The following CARMIL1 variants were observed in gnomAD, a reference collection of about 807,000 sequenced individuals.
The protein encoded by CARMIL1 is capping protein regulator and myosin 1 linker 1.
A neutral mutation model predicts 177.1 loss-of-function variants in CARMIL1; 90 were observed. The ratio of observed to expected loss-of-function variants is 0.51; its 90% confidence interval spans 0.43 to 0.61. CARMIL1 has a LOEUF of 0.61. Ranked by LOEUF, CARMIL1 falls within the 20% of genes least tolerant of loss-of-function variation. CARMIL1 has a pLI of 0.00. For synonymous variants in CARMIL1, 577 were observed against 606.2 expected, an observed-to-expected ratio of 0.95 and a Z score of 0.71; for missense variants, 1,380 against 1,667.0, an observed-to-expected ratio of 0.83 and a Z score of 3.00.
chr6:25,576,890 A>T, intron 29 of CARMIL1: 7 of 355,144 alleles, frequency 2.0e-5, no homozygotes, highest in Non-Finnish European at 2.8e-5. Flanking sequence ...TGTGAATGGT[A>T]TCCCTCTCCC....
At chr6:25,452,071 G>C in intron 8 of CARMIL1, 2 of 734,076 alleles carry the variant, frequency 2.7e-6, no homozygotes, top group Non-Finnish European at 4.9e-6. Flanking sequence ...TGTGGTCCCT[G>C]AAGAGCTCTA....
chr6:25,450,955 TC>T (rs1277147506), intron 8 of CARMIL1, among the ~76,000 whole-genome samples: 16 of 20,488 alleles, frequency 7.8e-4, no homozygotes, highest in Non-Finnish European at 7.6e-4. Context: ...TCCTCTCCTC[TC>T]CTCTCCTCTC....
chr6:25,349,789 T>C (rs1470189640), intron 2 of CARMIL1, among the ~76,000 whole-genome samples: 3 of 143,872 alleles, frequency 2.1e-5, no homozygotes, highest in African/African-American at 7.9e-5. Flanking sequence ...AGTACAGTGG[T>C]ACAATTTCGG....
chr6:25,605,217 A>G (rs1815840023), intron 34 of CARMIL1, among the ~76,000 whole-genome samples: 1 of 152,182 alleles, frequency 6.6e-6, no homozygotes, highest in African/African-American at 2.4e-5. Context: ...ATACAGGATC[A>G]TGGCTGATGT....
intron 2 of CARMIL1, among the ~76,000 whole-genome samples, chr6:25,297,517 C>A (rs1782512815): frequency 6.6e-6 from 1 of 152,102 alleles, no homozygotes; most frequent in South Asian, 2.1e-4. Context: ...TGTTCAATAT[C>A]TCTCTCTCTC....
At chr6:25,483,681 C>CAAAA (rs11452946) in intron 12 of CARMIL1, among the ~76,000 whole-genome samples, 9 of 90,412 alleles carry the variant, frequency 1.0e-4, no homozygotes, top group African/African-American at 3.0e-4. Flanking sequence ...ATCTCTGTCT[C>CAAAA]AAAAAAAAAA....
chr6:25,298,316 G>A (rs1173469395), intron 2 of CARMIL1, among the ~76,000 whole-genome samples: 1 of 152,172 alleles, frequency 6.6e-6, no homozygotes. Flanking sequence ...AACTTTGCAT[G>A]TCTTCCTGGC....
chr6:25,449,536 A>G (rs1412835715), intron 5 of CARMIL1, among the ~76,000 whole-genome samples: 1 of 152,196 alleles, frequency 6.6e-6, no homozygotes, highest in Non-Finnish European at 1.5e-5. Context: ...GACAGAAGAG[A>G]TTTTTACTTT....
At chr6:25,485,985 C>G (rs1802615857) in intron 12 of CARMIL1, among the ~76,000 whole-genome samples, 2 of 151,436 alleles carry the variant, frequency 1.3e-5, no homozygotes, top group African/African-American at 4.8e-5. Flanking sequence ...CTCCAAATAC[C>G]CTTTCTTTAT....
chr6:25,361,834 A>G (rs1789228686), intron 2 of CARMIL1, among the ~76,000 whole-genome samples: 1 of 152,206 alleles, frequency 6.6e-6, no homozygotes, highest in Non-Finnish European at 1.5e-5. Context: ...CTCTCACCGT[A>G]TGATGCTCTC....
intron 31 of CARMIL1, 35 bp from the exon 32 acceptor site, chr6:25,594,380 C>T (rs763731560): frequency 4.7e-6 from 6 of 1,285,052 alleles, no homozygotes; most frequent in Non-Finnish European, 6.7e-6. Context: ...AATCAAGGTG[C>T]ATGTGAATTA....
Position 25,441,337 on chromosome 6 carries a change from A to ATATATATATGTG in CARMIL1, c.371+5734_371+5735insATATATATGTGT. Among the ~76,000 whole-genome samples, 113 of 94,528 alleles carry ATATATATATGTG rather than the reference A, an allele frequency of 1.2e-3. 1 individual carries two copies. The highest frequency in any genetic ancestry group is 0.01 in the East Asian group (29 of 2,898). The allele number at this position is 94,528 out of a possible 152,430, so 62.0% of individuals were successfully genotyped here. ...CAAACAAACATATATATATATATAT[A>ATATATATATGTG]TGTGTGTGTGTGTGTGTGTGTGTGT... On this transcript the variant is annotated intron_variant, in intron 5 of 36. Coordinates refer to ENST00000329474, the MANE Select transcript of CARMIL1 (RefSeq NM_017640.6).
rs112470507 is a variant in CARMIL1 at position 25,618,918 on chromosome 6, G to T, written c.3980-529G>T. Among the ~76,000 whole-genome samples the T allele has an allele frequency of 2.0e-3, 299 of 152,324 alleles. 3 individuals are homozygous for T. The highest frequency in any genetic ancestry group is 0.014 in the Middle Eastern group (4 of 294). On this transcript the variant is annotated intron_variant, in intron 36 of 36. Transcript: ENST00000329474. The stretch of plus-strand genomic sequence containing the variant: ...CTGAGGTTTTCTGAGTCACAGAAAG[G>T]TCTGACAAAGATTCCTGAGGCCTTT...
intron 2 of CARMIL1, among the ~76,000 whole-genome samples, chr6:25,289,339 A>G (rs139534949): frequency 3.6e-4 from 55 of 152,298 alleles, no homozygotes; most frequent in Middle Eastern, 3.4e-3. Context: ...CCCAATTTTT[A>G]TAGTACTTGG....
At chr6:25,399,686 G>T (rs962293530) in intron 2 of CARMIL1, among the ~76,000 whole-genome samples, 3 of 152,180 alleles carry the variant, frequency 2.0e-5, no homozygotes, top group Non-Finnish European at 2.9e-5. Flanking sequence ...GGGCCTTCAT[G>T]TAATCCCTAG....
chr6:25,550,934 G>A lies in CARMIL1; in HGVS notation c.2353G>A (p.Ala785Thr), dbSNP rs1562276862. Residue 785 changes from alanine to threonine, a missense_variant, in exon 27 of 37, where the codon GCT becomes ACT. Coordinates refer to ENST00000329474, the MANE Select transcript of CARMIL1 (RefSeq NM_017640.6). ...LKALLESMVD[A>T]AENLCPNVMK... is the part of the protein sequence containing the mutation. ...GGCGTTGCTTGAGTCCATGGTTGAT[G>A]CTGCTGAGAATCTTTGTCCCAATGT... is the stretch of plus-strand genomic sequence containing the variant. 1.1e-5 allele frequency: 18 copies of A among 1,613,310 alleles called. No homozygotes were observed. Among genetic ancestry groups the A allele is most frequent in the Non-Finnish European group, 1.4e-5 (17 of 1,179,514 alleles).
chr6:25,442,780 C>T (rs982226476), intron 5 of CARMIL1, among the ~76,000 whole-genome samples: 1 of 152,056 alleles, frequency 6.6e-6, no homozygotes, highest in African/African-American at 2.4e-5. Flanking sequence ...GAAAAGGCCC[C>T]GCTGGACACG....
At chr6:25,417,729 C>T (rs1314585565) in intron 2 of CARMIL1, among the ~76,000 whole-genome samples, 1 of 152,122 alleles carries the variant, frequency 6.6e-6, no homozygotes, top group Non-Finnish European at 1.5e-5. Flanking sequence ...TTAAATTATA[C>T]TCTTCTTAAG....
chr6:25,427,943 G>T (rs1796419562), intron 4 of CARMIL1, among the ~76,000 whole-genome samples: 1 of 152,154 alleles, frequency 6.6e-6, no homozygotes, highest in African/African-American at 2.4e-5. Flanking sequence ...GCCTTTATCA[G>T]ATATTTTCTC....
Sources: allele counts gnomAD v4.1 joint callset (sites outside exome capture counted in the v4.1 genomes callset), GRCh38; gene constraint gnomAD v4.1.1; transcripts MANE v1.5; gene names NCBI Gene and HGNC (gene_info 2026-07-23, HGNC 2026-07-21).